Variants in SH3D19 observed in about 807,000 individuals in gnomAD.
SH3D19 encodes the protein SH3 domain containing 19, also known as SH3 domain-containing protein 19.
A neutral mutation model predicts 112.1 loss-of-function variants in SH3D19; 58 were observed. The observed-to-expected ratio is 0.52, with a 90% confidence interval of 0.42 to 0.64. The LOEUF (loss-of-function observed/expected upper bound fraction) is 0.64. Ranked by LOEUF, SH3D19 falls within the 30% of genes least tolerant of loss-of-function variation. The pLI is 0.00. For missense variants in SH3D19, 1,090 were observed against 1,263.4 expected (o/e 0.86, Z 2.08); for synonymous variants, 391 against 448.5 (o/e 0.87, Z 1.62).
intron 1 of SH3D19, among the ~76,000 whole-genome samples, chr4:151,238,584 A>G (rs1404940157): frequency 6.6e-6 from 1 of 152,112 alleles, no homozygotes; most frequent in Non-Finnish European, 1.5e-5. Context: ...TGTAACCAAA[A>G]GACTCCTTCA....
At chr4:151,141,471 G>A (rs2149761471) in intron 12 of SH3D19, among the ~76,000 whole-genome samples, 1 of 152,104 alleles carries the variant, frequency 6.6e-6, no homozygotes. Flanking sequence ...CATAAGAAAT[G>A]CCATATCTAC....
intron 2 of SH3D19, among the ~76,000 whole-genome samples, chr4:151,218,765 C>T (rs187880560): frequency 1.3e-4 from 20 of 152,172 alleles, no homozygotes; most frequent in East Asian, 9.6e-4. Context: ...AGTACCTATA[C>T]GTAGTCATAA....
intron 1 of SH3D19, among the ~76,000 whole-genome samples, chr4:151,302,215 T>C (rs1561445897): frequency 1.3e-5 from 2 of 152,208 alleles, no homozygotes; most frequent in East Asian, 3.8e-4. Context: ...CAGATAGGGA[T>C]TGCTCCTTCG....
At chr4:151,298,181 A>ATTTTTTTTTTTTTTTT (rs386401883) in intron 1 of SH3D19, among the ~76,000 whole-genome samples, 1 of 94,886 alleles carries the variant, frequency 1.1e-5, no homozygotes, top group Non-Finnish European at 2.0e-5. Flanking sequence ...AGAATAATAA[A>ATTTTTTTTTTTTTTTT]TTTTTTTTTT....
At chr4:151,246,755 A>G (rs759028335) in intron 1 of SH3D19, among the ~76,000 whole-genome samples, 1 of 152,222 alleles carries the variant, frequency 6.6e-6, no homozygotes, top group Non-Finnish European at 1.5e-5. Context: ...ATTCCCATTT[A>G]TTGATGAGAA....
intron 1 of SH3D19, chr4:151,282,457 T>C: frequency 6.2e-7 from 1 of 1,600,676 alleles, no homozygotes; most frequent in South Asian, 1.1e-5. Flanking sequence ...TGTCATCCTC[T>C]TGTACTCCAG....
At chr4:151,239,815 C>T (rs1770420449) in intron 1 of SH3D19, among the ~76,000 whole-genome samples, 1 of 152,142 alleles carries the variant, frequency 6.6e-6, no homozygotes, top group Non-Finnish European at 1.5e-5. Flanking sequence ...GCTAATTCAG[C>T]ATAAAATTAG....
At chr4:151,151,470 T>C (rs950200626) in intron 9 of SH3D19, among the ~76,000 whole-genome samples, 12 of 152,152 alleles carry the variant, frequency 7.9e-5, no homozygotes, top group African/African-American at 2.7e-4. Context: ...TTTCTCCTTC[T>C]TATAAATGAG....
intron 2 of SH3D19, among the ~76,000 whole-genome samples, chr4:151,189,691 G>T (rs1054949275): frequency 1.3e-5 from 2 of 152,078 alleles, no homozygotes; most frequent in Non-Finnish European, 2.9e-5. Flanking sequence ...TGATTGTGAG[G>T]CCTCTCCAGC....
chr4:151,144,674 C>T (rs961996464), intron 11 of SH3D19, among the ~76,000 whole-genome samples: 6 of 152,200 alleles, frequency 3.9e-5, no homozygotes, highest in African/African-American at 1.2e-4. Flanking sequence ...GAAGGCTGAT[C>T]AGTGATTGGA....
intron 1 of SH3D19, among the ~76,000 whole-genome samples, chr4:151,273,097 C>T (rs148659517): frequency 1.3e-5 from 2 of 152,224 alleles, no homozygotes; most frequent in East Asian, 1.9e-4. Flanking sequence ...TTTTACCTTC[C>T]AATTTTCAAA....
intron 1 of SH3D19, among the ~76,000 whole-genome samples, chr4:151,238,485 C>T (rs187810579): frequency 6.6e-6 from 1 of 152,286 alleles, no homozygotes; most frequent in Admixed American, 6.5e-5. Flanking sequence ...ATTGTCTTCT[C>T]TTCCATTAGT....
At chr4:151,214,409 C>A (rs13115936) in intron 2 of SH3D19, among the ~76,000 whole-genome samples, 58,998 of 94,636 alleles carry the variant, frequency 0.62, 22,627 homozygotes, top group Non-Finnish European at 0.85. Context: ...GGGTGGTGGC[C>A]GGGCAGAGGC....
rs1466411207 is a variant in SH3D19 at position 151,282,172 on chromosome 4, T to C, written c.112+43069A>G. ...GGACCTGGACTACTTTTTCATATAC[T>C]GTGTGGCTAGGATCGATTACAGTAG... On this transcript the variant is annotated intron_variant, in intron 1 of 19. Transcript: ENST00000604030. 5 of 1,613,916 alleles carry C rather than the reference T, an allele frequency of 3.1e-6. No individual in the cohort carries two copies. The South Asian group carries it at 4.4e-5, about 14-fold the overall frequency.
chr4:151,299,819 C>T (rs4610316), intron 1 of SH3D19, among the ~76,000 whole-genome samples: 54,345 of 151,892 alleles, frequency 0.36, 10,799 homozygotes, highest in Non-Finnish European at 0.46. Flanking sequence ...AGGAAAAATA[C>T]GCTAACCCAT....
intron 2 of SH3D19, among the ~76,000 whole-genome samples, chr4:151,188,910 C>T (rs964612494): frequency 6.6e-6 from 1 of 151,958 alleles, no homozygotes; most frequent in Non-Finnish European, 1.5e-5. Flanking sequence ...GGCCCCAATC[C>T]AACATAACTG....
In SH3D19 at chr4:151,159,386, C is replaced by A. The variant is rs1290300245; in HGVS notation, c.1643-34G>T. ...AGTAGCAGTAATTCATCAATAATTT[C>A]TAGTTTCTGGGATTCCAAAGAATGA... On this transcript the variant is annotated intron_variant, in intron 8 of 19. Coordinates refer to ENST00000604030, the MANE Select transcript of SH3D19 (RefSeq NM_001378122.1). The A allele has an allele frequency of 2.3e-6, 3 of 1,285,152 alleles. No individual in the cohort carries two copies. The African/African-American group carries it at 4.6e-5, about 20-fold the overall frequency. The allele number at this position is 1,285,152 out of a possible 1,614,324, so 79.6% of individuals were successfully genotyped here.
At chr4:151,308,897 G>C (rs1240343223) in intron 1 of SH3D19, among the ~76,000 whole-genome samples, 1 of 151,806 alleles carries the variant, frequency 6.6e-6, no homozygotes, top group East Asian at 1.9e-4. Context: ...TAGACGTCTT[G>C]CTCTGTCACC....
intron 9 of SH3D19, among the ~76,000 whole-genome samples, chr4:151,150,212 T>A (rs1322701104): frequency 0.027 from 1,038 of 38,710 alleles, 41 homozygotes; most frequent in African/African-American, 0.039. Flanking sequence ...AAAAAATATA[T>A]ATATATATAT....
Sources: allele counts gnomAD v4.1 joint callset (sites outside exome capture counted in the v4.1 genomes callset), GRCh38; gene constraint gnomAD v4.1.1; transcripts MANE v1.5; gene names NCBI Gene and HGNC (gene_info 2026-07-23, HGNC 2026-07-21).